The following ADAMTS9 variants were observed in gnomAD, a reference collection of about 807,000 sequenced individuals.
ADAMTS9 encodes A disintegrin and metalloproteinase with thrombospondin motifs 9.
In ADAMTS9, 107 loss-of-function variants were observed where a neutral mutation model predicts 257.1. That is an observed-to-expected ratio of 0.42 (90% CI 0.36 to 0.49). The LOEUF (loss-of-function observed/expected upper bound fraction) is 0.49, where lower values mean the gene tolerates loss of function less well. Ranked by LOEUF, ADAMTS9 falls within the 20% of genes least tolerant of loss-of-function variation. ADAMTS9 has a pLI of 0.03. For synonymous variants in ADAMTS9, 982 were observed against 880.9 expected, an observed-to-expected ratio of 1.11 and a Z score of -2.03; for missense variants, 2,353 against 2,469.1, an observed-to-expected ratio of 0.95 and a Z score of 1.00.
chr3:64,551,127 G>A, intron 30 of ADAMTS9, 65 bp from the exon 31 acceptor site: 1 of 1,528,998 alleles, frequency 6.5e-7, no homozygotes, highest in Non-Finnish European at 9.0e-7. Context: ...CTGTAATTAT[G>A]TGTTTACCTG....
intron 28 of ADAMTS9, among the ~76,000 whole-genome samples, chr3:64,573,353 T>C (rs993386149): frequency 1.3e-5 from 2 of 152,180 alleles, no homozygotes; most frequent in Non-Finnish European, 2.9e-5. Flanking sequence ...CTAGTCCATA[T>C]TTCCAACCAC....
chr3:64,649,320 C>T (rs536040721), intron 10 of ADAMTS9, among the ~76,000 whole-genome samples: 1 of 152,262 alleles, frequency 6.6e-6, no homozygotes, highest in Non-Finnish European at 1.5e-5. Context: ...GAGAAAAAAG[C>T]TGAGCTCTGT....
intron 28 of ADAMTS9, among the ~76,000 whole-genome samples, chr3:64,572,576 C>T (rs1233482030): frequency 2.0e-5 from 3 of 152,048 alleles, no homozygotes; most frequent in Non-Finnish European, 2.9e-5. Flanking sequence ...ATGAGAAGGG[C>T]TGGAGAACTA....
intron 3 of ADAMTS9, among the ~76,000 whole-genome samples, chr3:64,668,882 G>T (rs1183119353): frequency 6.6e-6 from 1 of 152,132 alleles, no homozygotes; most frequent in South Asian, 2.1e-4. Context: ...CTTTAAAAAG[G>T]CATCTAAGCA....
intron 3 of ADAMTS9, among the ~76,000 whole-genome samples, chr3:64,674,793 G>T (rs1701586489): frequency 6.6e-6 from 1 of 152,158 alleles, no homozygotes; most frequent in South Asian, 2.1e-4. Flanking sequence ...GCCCCCTCAG[G>T]GGTCTGCTCC....
intron 26 of ADAMTS9, 34 bp from the exon 27 acceptor site, chr3:64,597,025 T>A: frequency 6.2e-7 from 1 of 1,607,366 alleles, no homozygotes; most frequent in Non-Finnish European, 8.5e-7. Flanking sequence ...AATCCCCACC[T>A]CAATCTCCAT....
intron 29 of ADAMTS9, 33 bp from the exon 30 acceptor site, chr3:64,561,784 G>C: frequency 6.4e-7 from 1 of 1,554,560 alleles, no homozygotes; most frequent in South Asian, 1.2e-5. Flanking sequence ...TGGGAGCTTC[G>C]GCTCATTTAT....
At chr3:64,634,569 A>C in intron 12 of ADAMTS9, among the ~76,000 whole-genome samples, 1 of 152,216 alleles carries the variant, frequency 6.6e-6, no homozygotes, top group East Asian at 1.9e-4. Flanking sequence ...GTGCAAATTT[A>C]ATCTCCGCAT....
chr3:64,594,502 C>T, intron 27 of ADAMTS9, 68 bp from the exon 28 acceptor site: 1 of 1,568,418 alleles, frequency 6.4e-7, no homozygotes, highest in Non-Finnish European at 8.7e-7. Flanking sequence ...TCCTTTCTCC[C>T]TAATTTCTTA....
chr3:64,623,800 T>C lies in ADAMTS9; in HGVS notation c.2390-1214A>G, dbSNP rs114859293. On this transcript the variant is annotated intron_variant, in intron 16 of 39. Coordinates refer to ENST00000498707, the MANE Select transcript of ADAMTS9 (RefSeq NM_182920.2). ...TGGTAAGAATGTTGGGATCATTTTA[T>C]TCACTACTGTACCCCAGTTTCTGAA... Among the ~76,000 whole-genome samples the C allele has an allele frequency of 5.3e-3, 814 of 152,334 alleles. 3 individuals are homozygous for C. Among genetic ancestry groups the C allele is most frequent in the Non-Finnish European group, 8.1e-3 (548 of 68,026 alleles).
At chr3:64,670,029 A>C (rs540066658) in intron 3 of ADAMTS9, among the ~76,000 whole-genome samples, 5 of 152,344 alleles carry the variant, frequency 3.3e-5, no homozygotes, top group Admixed American at 6.5e-5. Context: ...GGAAGCTTTC[A>C]GGATTTATGG....
At chr3:64,544,400 T>C (rs905425207) in intron 32 of ADAMTS9, among the ~76,000 whole-genome samples, 7 of 152,170 alleles carry the variant, frequency 4.6e-5, no homozygotes, top group Non-Finnish European at 8.8e-5. Flanking sequence ...AGCATGCTAC[T>C]GGTACCAAAA....
rs1188864875 is a variant in ADAMTS9 at position 64,621,187 on chromosome 3, A to G, written c.2740T>C (p.Ser914Pro). The G allele has an allele frequency of 6.2e-7, 1 of 1,613,828 alleles. No homozygotes were observed. The highest frequency in any genetic ancestry group is 8.5e-7 in the Non-Finnish European group (1 of 1,179,928). ...CTRESDQLTV[S>P]DQRCDRLPQP... ...GGCAGCCGATCGCATCTTTGATCAG[A>G]AACAGTAAGCTGATCAGATTCCCTG... is the stretch of plus-strand genomic sequence containing the variant. Residue 914 changes from serine to proline, a missense_variant, in exon 19 of 40, where the codon TCT (serine) becomes CCT (proline). Around this residue, in one of 3 missense-constraint regions of ADAMTS9, gnomAD observed 1,402 missense variants for 1,441.4 expected, o/e 0.97. Coordinates refer to ENST00000498707, the MANE Select transcript of ADAMTS9 (RefSeq NM_182920.2).
At position 64,541,360 on chromosome 3, in the gene ADAMTS9, G is replaced by A; in HGVS notation, c.5347C>T (p.His1783Tyr). The A allele has an allele frequency of 1.2e-6, 2 of 1,614,140 alleles. No homozygotes were observed. The highest frequency in any genetic ancestry group is 2.2e-5 in the East Asian group (1 of 44,872). ...DHPKEYVTLV[H>Y]GDSENFSEVY... Reference sequence around the variant, plus strand: ...TCGGAGAAATTCTCAGAGTCTCCATGCACCAGTGTCACGTACTCTTTGGGG... The same window carrying A: ...TCGGAGAAATTCTCAGAGTCTCCATACACCAGTGTCACGTACTCTTTGGGG... The change falls in exon 35 of 40, where the codon CAT (histidine) becomes TAT (tyrosine). Residue 1783 changes from histidine to tyrosine, a missense_variant. Transcript: ENST00000498707.
At position 64,621,791 on chromosome 3, in the gene ADAMTS9, A is replaced by AT. The variant is rs1294413656; in HGVS notation, c.2686+406_2686+407insA. Among the ~76,000 whole-genome samples the AT allele has an allele frequency of 7.6e-4, 100 of 132,322 alleles. 2 individuals carry two copies. The highest frequency in any genetic ancestry group is 2.9e-3 in the African/African-American group (100 of 35,032). 86.8% of individuals were successfully genotyped at this position (132,322 alleles called of 152,430 possible). A position where few individuals can be genotyped will look rare whatever the true frequency, so the allele number is the denominator to read the frequency against. ...AAATAAAAAAATAAAAAAATAAAAAAATAAAAAGAAAAGAAAAAGAAAAAA... is the reference window on the plus strand; with the variant it reads ...AAATAAAAAAATAAAAAAATAAAAAATATAAAAAGAAAAGAAAAAGAAAAAA... On this transcript the variant is annotated intron_variant, in intron 18 of 39. Transcript: ENST00000498707.
In ADAMTS9 at chr3:64,681,382, G is replaced by A; in HGVS notation, c.517-19C>T. Reference sequence around the variant, plus strand: ...TGCCCAGCTGCAAATGAAGAGAGATGGGAGGTTGATTTAACGTAACTCAGT... The same window carrying A: ...TGCCCAGCTGCAAATGAAGAGAGATAGGAGGTTGATTTAACGTAACTCAGT... On this transcript the variant is annotated intron_variant, in intron 2 of 39. Transcript: ENST00000498707. 6.3e-7 allele frequency: 1 copy of A among 1,598,686 alleles called. No individual in the cohort carries two copies. The highest frequency in any genetic ancestry group is 1.1e-5 in the South Asian group (1 of 88,306).
At chr3:64,624,473 G>T (rs1700182452) in intron 16 of ADAMTS9, among the ~76,000 whole-genome samples, 2 of 152,018 alleles carry the variant, frequency 1.3e-5, no homozygotes, top group African/African-American at 4.8e-5. Flanking sequence ...CCTTGATGAA[G>T]CTGAAAAAAG....
At chr3:64,681,080 C>T in intron 3 of ADAMTS9, 121 bp downstream of exon 3, 2 of 1,167,962 alleles carry the variant, frequency 1.7e-6, no homozygotes, top group Admixed American at 2.8e-5. Context: ...CATTTGAGGA[C>T]TGAATAAACA....
chr3:64,621,900 A>G (rs983983091), intron 18 of ADAMTS9, among the ~76,000 whole-genome samples: 2 of 152,148 alleles, frequency 1.3e-5, no homozygotes, highest in Admixed American at 1.3e-4. Flanking sequence ...AATAAATAAC[A>G]TATGCTATGA....
Sources: gnomAD v4.1 joint callset for allele counts (sites outside exome capture counted in the v4.1 genomes callset) on GRCh38, gnomAD v4.1.1 for gene constraint, gnomAD v4.1.1 regional missense constraint, MANE v1.5 for transcripts, NCBI Gene and HGNC (gene_info 2026-07-23, HGNC 2026-07-21) for gene names.